The following PIGU variants were observed in gnomAD, a reference collection of about 807,000 sequenced individuals.
PIGU encodes the protein phosphatidylinositol glycan anchor biosynthesis class U.
Under a neutral mutation model 49.9 loss-of-function variants are expected in PIGU, and 24 were observed. The observed-to-expected ratio is 0.48, with a 90% CI of 0.35 to 0.68. The LOEUF (loss-of-function observed/expected upper bound fraction) is 0.68, where lower values mean the gene tolerates loss of function less well. Ranked by LOEUF, PIGU falls within the 30% of genes least tolerant of loss-of-function variation. The pLI is 0.01. For missense variants in PIGU, 490 were observed against 532.6 expected (o/e 0.92, Z 0.79); for synonymous variants, 220 against 205.7 (o/e 1.07, Z -0.59).
intron 1 of PIGU, among the ~76,000 whole-genome samples, chr20:34,667,789 AT>A (rs1987149608): frequency 6.6e-6 from 1 of 151,836 alleles, no homozygotes; most frequent in African/African-American, 2.4e-5. Context: ...GTAGGCAAAA[AT>A]TTAAAAACAG....
rs751288004 is a variant in PIGU, at chr20:34,560,833, CCT to C, written c.*31_*32del. ...GGCCCAGCTTCTGGCCCCACAGCCC[CCT>C]GAGGTCCATGCAGCCCTGTGCCAGC... On this transcript the variant is annotated 3_prime_UTR_variant, in exon 12 of 12. Transcript: ENST00000217446. 41 of 1,488,556 alleles carry C rather than the reference CCT, an allele frequency of 2.8e-5. No homozygotes were observed. The South Asian group carries it at 4.1e-4, about 15-fold the overall frequency. 92.2% of individuals were successfully genotyped at this position (1,488,556 alleles called of 1,614,324 possible). A position where few individuals can be genotyped will look rare whatever the true frequency, so the allele number is the denominator to read the frequency against.
At position 34,569,188 on chromosome 20, in the gene PIGU, AG is replaced by A. The variant is rs560389624; in HGVS notation, c.1194+5915del. On this transcript the variant is annotated intron_variant, in intron 11 of 11. Coordinates refer to ENST00000217446, the MANE Select transcript of PIGU (RefSeq NM_080476.5). Reference sequence around the variant, plus strand: ...CACTGCACCCCAGCCTGGGCAACAGAGCAAGACCCTGTCTCAAAAAGAAAAA... The same window carrying A: ...CACTGCACCCCAGCCTGGGCAACAGACAAGACCCTGTCTCAAAAAGAAAAA... Among the ~76,000 whole-genome samples the A allele has an allele frequency of 1.6e-3, 249 of 152,160 alleles. 1 individual carries two copies. The highest frequency in any genetic ancestry group is 5.6e-3 in the African/African-American group (233 of 41,514).
At chr20:34,587,043 C>T (rs1241048978) in intron 8 of PIGU, among the ~76,000 whole-genome samples, 2 of 152,098 alleles carry the variant, frequency 1.3e-5, no homozygotes, top group Admixed American at 6.5e-5. Flanking sequence ...TGGGTTAATC[C>T]CACCATATCA....
intron 6 of PIGU, among the ~76,000 whole-genome samples, chr20:34,620,799 TAAAAAAAAAC>T (rs1985182878): frequency 1.8e-5 from 1 of 55,374 alleles, no homozygotes; most frequent in African/African-American, 6.7e-5. Flanking sequence ...AGACTCCACC[TAAAAAAAAAC>T]AAAAAAAAAA....
At chr20:34,659,573 G>A (rs935171212) in intron 1 of PIGU, among the ~76,000 whole-genome samples, 8 of 152,178 alleles carry the variant, frequency 5.3e-5, no homozygotes, top group Non-Finnish European at 1.2e-4. Context: ...CATTGAGAAC[G>A]GGCCAGGATG....
At chr20:34,604,657 A>C (rs1984547472) in intron 7 of PIGU, among the ~76,000 whole-genome samples, 1 of 152,176 alleles carries the variant, frequency 6.6e-6, no homozygotes, top group Non-Finnish European at 1.5e-5. Context: ...TAAGGTGTGA[A>C]AACTCTAAAT....
At chr20:34,626,440 T>C (rs1052310395) in intron 6 of PIGU, among the ~76,000 whole-genome samples, 3 of 151,946 alleles carry the variant, frequency 2.0e-5, no homozygotes, top group Admixed American at 2.0e-4. Flanking sequence ...GTAGTTGGGA[T>C]TACAGGTGCC....
chr20:34,583,760 C>T (rs1048809209), intron 9 of PIGU, among the ~76,000 whole-genome samples: 1 of 152,180 alleles, frequency 6.6e-6, no homozygotes, highest in Non-Finnish European at 1.5e-5. Context: ...AGTTCCGGAG[C>T]CTGCCAGGCC....
intron 10 of PIGU, among the ~76,000 whole-genome samples, chr20:34,576,859 C>CCA (rs1983256113): frequency 6.6e-6 from 1 of 152,188 alleles, no homozygotes; most frequent in African/African-American, 2.4e-5. Context: ...CCCCCCACCT[C>CCA]CACCTCTTCC....
chr20:34,626,964 A>G (rs1985514954), intron 6 of PIGU, among the ~76,000 whole-genome samples: 1 of 152,120 alleles, frequency 6.6e-6, no homozygotes, highest in Non-Finnish European at 1.5e-5. Flanking sequence ...CTGTAGAAAT[A>G]TAACTTGCAG....
chr20:34,621,321 C>A (rs927261300), intron 6 of PIGU, among the ~76,000 whole-genome samples: 3 of 151,962 alleles, frequency 2.0e-5, no homozygotes, highest in Non-Finnish European at 4.4e-5. Context: ...GTGTAATACA[C>A]AGAGTCATGA....
chr20:34,563,146 C>T (rs535418600), intron 11 of PIGU, among the ~76,000 whole-genome samples: 3 of 152,216 alleles, frequency 2.0e-5, no homozygotes, highest in East Asian at 3.9e-4. Context: ...AACGGAAAAA[C>T]GTACACATGG....
At chr20:34,672,043 A>G (rs1355061478) in intron 1 of PIGU, among the ~76,000 whole-genome samples, 1 of 152,086 alleles carries the variant, frequency 6.6e-6, no homozygotes, top group African/African-American at 2.4e-5. Flanking sequence ...GGCCCATGCA[A>G]TCCTCCTGCC....
At chr20:34,577,452 A>G (rs1361366940) in intron 10 of PIGU, among the ~76,000 whole-genome samples, 1 of 152,222 alleles carries the variant, frequency 6.6e-6, no homozygotes, top group African/African-American at 2.4e-5. Flanking sequence ...ATGGTGGCTC[A>G]CGCCTGTAAT....
At position 34,610,853 on chromosome 20, in the gene PIGU, C is replaced by T. The variant is rs534954995; in HGVS notation, c.627+5189G>A. ...AAACAGCATGCTACTGCTACCAAAA[C>T]AGAGATATAGACCAATGGAACAGAA... is the stretch of plus-strand genomic sequence containing the variant. On this transcript the variant is annotated intron_variant, in intron 7 of 11. Transcript: ENST00000217446. 3.3e-5 allele frequency among the ~76,000 whole-genome samples: 5 copies of T among 152,316 alleles called. No homozygotes were observed. The South Asian group carries it at 1.0e-3, about 32-fold the overall frequency.
At chr20:34,606,403 T>G (rs1984617907) in intron 7 of PIGU, among the ~76,000 whole-genome samples, 2 of 152,332 alleles carry the variant, frequency 1.3e-5, no homozygotes, top group South Asian at 4.1e-4. Flanking sequence ...TCAGTTATTG[T>G]GTCTCTTTAG....
At chr20:34,636,011 C>A (rs577665471) in intron 5 of PIGU, among the ~76,000 whole-genome samples, 2 of 148,590 alleles carry the variant, frequency 1.3e-5, no homozygotes, top group East Asian at 4.1e-4. Flanking sequence ...GCCAACATGG[C>A]GAGACTCTGT....
intron 11 of PIGU, among the ~76,000 whole-genome samples, 191 bp downstream of exon 11, chr20:34,574,913 T>C (rs1219725730): frequency 6.6e-6 from 1 of 152,148 alleles, no homozygotes; most frequent in Non-Finnish European, 1.5e-5. Context: ...GCCCAATACA[T>C]ATCTGCCAGG....
rs200314871 is a variant in PIGU, at chr20:34,634,622, C to T, written c.522G>A (p.Thr174=). 19 of 1,612,032 alleles carry T rather than the reference C, an allele frequency of 1.2e-5. 1 individual carries two copies. The African/African-American group carries it at 1.3e-4, about 11-fold the overall frequency. The part of the protein sequence containing the change: ...NTLIAFFILT[T]IKGSAFLSAI... The stretch of plus-strand genomic sequence containing the variant: ...CTCCTTTCAGGGCCTTACCTTTTAT[C>T]GTAGTCAAAATGAAGAAAGCAATGA... Residue 174 remains threonine (T), a synonymous_variant, in exon 6 of 12, where the codon ACG becomes ACA. Coordinates refer to ENST00000217446, the MANE Select transcript of PIGU (RefSeq NM_080476.5).
Sources: allele counts gnomAD v4.1 joint callset (sites outside exome capture counted in the v4.1 genomes callset), GRCh38; gene constraint gnomAD v4.1.1; transcripts MANE v1.5; gene names NCBI Gene and HGNC (gene_info 2026-07-23, HGNC 2026-07-21).